The following ARHGAP35 variants were observed in gnomAD, a reference collection of about 807,000 sequenced individuals.
ARHGAP35 encodes Rho GTPase activating protein 35.
ARHGAP35 carries 15 observed loss-of-function variants against 111.1 expected under a neutral mutation model. The observed-to-expected ratio is 0.13, with a 90% CI of 0.09 to 0.21. ARHGAP35 has a LOEUF of 0.21. ARHGAP35 is among the 10% of genes least tolerant of loss of function. The pLI, the probability that ARHGAP35 is intolerant of heterozygous loss-of-function variation, is 1.00. For synonymous variants in ARHGAP35, 643 were observed against 710.3 expected, an observed-to-expected ratio of 0.91 and a Z score of 1.51; for missense variants, 1,262 against 1,873.0, an observed-to-expected ratio of 0.67 and a Z score of 6.02.
At chr19:46,915,310 C>T (rs1193524052) in intron 1 of ARHGAP35, among the ~76,000 whole-genome samples, 1 of 152,158 alleles carries the variant, frequency 6.6e-6, no homozygotes, top group African/African-American at 2.4e-5. Context: ...TAGAACATGG[C>T]ATCTTTAGGA....
chr19:46,862,546 C>T (rs2055834420), intron 1 of ARHGAP35, among the ~76,000 whole-genome samples: 1 of 152,132 alleles, frequency 6.6e-6, no homozygotes, highest in Non-Finnish European at 1.5e-5. Flanking sequence ...ATCTCACAGA[C>T]CTGCCCCTAG....
Position 47,000,628 on chromosome 19 carries a change from C to T in ARHGAP35, c.4440C>T (p.Thr1480=). 1 of 1,609,614 alleles carries T rather than the reference C, an allele frequency of 6.2e-7. No homozygotes were observed. Among genetic ancestry groups the T allele is most frequent in the Non-Finnish European group, 8.5e-7 (1 of 1,177,786 alleles). The change falls in exon 7 of 7, where the codon ACC becomes ACT. Residue 1480 remains threonine, a synonymous_variant. Transcript: ENST00000672722. The surrounding 1 kb of genome is among the most constrained non-coding windows in gnomAD (Gnocchi z 6.9). ...CGCCCCCACAGTCGCCTCCACCCAC[C>T]CCCCAGTCCCCAATGCAGCCACTGC... The part of the protein sequence containing the change: ...QPSPPQSPPP[T]PQSPMQPLLP...
At chr19:46,998,478 T>C (rs1271085632) in intron 5 of ARHGAP35, among the ~76,000 whole-genome samples, 1 of 152,170 alleles carries the variant, frequency 6.6e-6, no homozygotes, top group East Asian at 1.9e-4. Flanking sequence ...CCGATGCCCT[T>C]CCCAGTCAAG....
chr19:46,938,078 CCAGTTT>C (rs2056320929), intron 3 of ARHGAP35, among the ~76,000 whole-genome samples: 1 of 152,198 alleles, frequency 6.6e-6, no homozygotes, highest in Admixed American at 6.5e-5. Context: ...CTTTGGCCTT[CCAGTTT>C]CACTAAGGTG....
chr19:46,995,545 G>A (rs2056702871), intron 5 of ARHGAP35, among the ~76,000 whole-genome samples: 1 of 152,250 alleles, frequency 6.6e-6, no homozygotes, highest in African/African-American at 2.4e-5. Flanking sequence ...GCTAAGCTGG[G>A]AGACAGGCCT....
intron 5 of ARHGAP35, among the ~76,000 whole-genome samples, chr19:46,990,338 G>T (rs1185103488): frequency 1.3e-5 from 2 of 152,224 alleles, no homozygotes; most frequent in Admixed American, 6.5e-5. Context: ...AGAGGTGTTT[G>T]TCCAGATGGG....
chr19:46,904,942 G>T (rs368180637), intron 1 of ARHGAP35, among the ~76,000 whole-genome samples: 1 of 152,246 alleles, frequency 6.6e-6, no homozygotes, highest in Non-Finnish European at 1.5e-5. Context: ...CAGTGCGGGG[G>T]AGTGGAGGGA....
chr19:46,969,564 G>A (rs1020757406), intron 3 of ARHGAP35, among the ~76,000 whole-genome samples: 5 of 152,158 alleles, frequency 3.3e-5, no homozygotes, highest in African/African-American at 1.2e-4. Context: ...TAGTGTCTTC[G>A]GTGAACGTCT....
At chr19:46,884,779 G>T (rs2122141450) in intron 1 of ARHGAP35, among the ~76,000 whole-genome samples, 1 of 152,278 alleles carries the variant, frequency 6.6e-6, no homozygotes, top group African/African-American at 2.4e-5. Context: ...AAGGGCTAGA[G>T]TGCAGTGGCA....
At chr19:46,925,644 T>C (rs1019579125) in intron 2 of ARHGAP35, among the ~76,000 whole-genome samples, 2 of 152,166 alleles carry the variant, frequency 1.3e-5, no homozygotes, top group African/African-American at 4.8e-5. Flanking sequence ...GGGAAGGCTA[T>C]GTGTGGGCAT....
intron 5 of ARHGAP35, among the ~76,000 whole-genome samples, chr19:46,990,108 A>G (rs1393189701): frequency 2.0e-5 from 3 of 152,108 alleles, no homozygotes; most frequent in Non-Finnish European, 4.4e-5. Flanking sequence ...CCCTCTTCTT[A>G]CCTGTCTTCT....
chr19:46,994,603 G>A lies in ARHGAP35; in HGVS notation c.4037-4701G>A, dbSNP rs867382315. 6.6e-6 allele frequency among the ~76,000 whole-genome samples: 1 copy of A among 152,146 alleles called. No individual in the cohort carries two copies. Among genetic ancestry groups the A allele is most frequent in the African/African-American group, 2.4e-5 (1 of 41,432 alleles). ...TGAACTCGCCGGGGATGAGGATGGT[G>A]GTCAGGAGGGGAAACAGAGGCAGGG... is the stretch of plus-strand genomic sequence containing the variant. On this transcript the variant is annotated intron_variant, in intron 5 of 6. Transcript: ENST00000672722. The surrounding 1 kb of genome is among the most constrained non-coding windows in gnomAD (Gnocchi z 5.4).
intron 3 of ARHGAP35, among the ~76,000 whole-genome samples, chr19:46,974,668 C>T (rs998318810): frequency 6.6e-6 from 1 of 152,022 alleles, no homozygotes; most frequent in African/African-American, 2.4e-5. Flanking sequence ...CTGTGATGTC[C>T]GCTTGATTGA....
intron 1 of ARHGAP35, among the ~76,000 whole-genome samples, chr19:46,878,573 C>G (rs574449556): frequency 1.3e-5 from 2 of 152,170 alleles, no homozygotes; most frequent in East Asian, 3.8e-4. Context: ...CCCACCTCGG[C>G]CTCCGGAAGT....
intron 1 of ARHGAP35, among the ~76,000 whole-genome samples, chr19:46,917,972 C>A (rs2056173420): frequency 6.6e-6 from 1 of 152,188 alleles, no homozygotes; most frequent in African/African-American, 2.4e-5. Context: ...CCATGGCCTC[C>A]CAAAGTTCTG....
chr19:46,949,863 T>C (rs1315102809), intron 3 of ARHGAP35, among the ~76,000 whole-genome samples: 2 of 152,250 alleles, frequency 1.3e-5, no homozygotes, highest in Non-Finnish European at 2.9e-5. Flanking sequence ...GTAGCTCCTG[T>C]CACTGACCTG....
intron 1 of ARHGAP35, among the ~76,000 whole-genome samples, chr19:46,881,646 G>T (rs936388179): frequency 2.0e-5 from 3 of 152,188 alleles, no homozygotes; most frequent in Non-Finnish European, 4.4e-5. Context: ...GTAGAATACA[G>T]TTAGCATGAT....
In ARHGAP35 at chr19:46,962,330, C is replaced by A. The variant is rs113136715; in HGVS notation, c.3826+24922C>A. Among the ~76,000 whole-genome samples the A allele has an allele frequency of 3.9e-3, 601 of 152,310 alleles. 10 individuals are homozygous for A. Among genetic ancestry groups the A allele is most frequent in the African/African-American group, 0.014 (577 of 41,570 alleles). On this transcript the variant is annotated intron_variant, in intron 3 of 6. Transcript: ENST00000672722. ...TGAGAGCCTGTGCAAGAAGCCAGAGCCCTGGCCTGCCTTGCCAAGACTGGC... is the reference window on the plus strand; with the variant it reads ...TGAGAGCCTGTGCAAGAAGCCAGAGACCTGGCCTGCCTTGCCAAGACTGGC...
chr19:46,903,734 T>G (rs2056092270), intron 1 of ARHGAP35, among the ~76,000 whole-genome samples: 1 of 152,234 alleles, frequency 6.6e-6, no homozygotes, highest in Admixed American at 6.5e-5. Flanking sequence ...GAATGACGAT[T>G]GATAAGGAAG....
Sources: gnomAD v4.1 joint callset for allele counts (sites outside exome capture counted in the v4.1 genomes callset) on GRCh38, gnomAD v4.1.1 for gene constraint, Gnocchi (gnomAD v3.1) non-coding constraint, MANE v1.5 for transcripts, NCBI Gene and HGNC (gene_info 2026-07-23, HGNC 2026-07-21) for gene names.